Variants in OR9Q1 observed in about 807,000 individuals in gnomAD.
The protein encoded by OR9Q1 is olfactory receptor 9Q1.
For missense variants in OR9Q1, 374 were observed against 378.8 expected (o/e 0.99, Z 0.11); for synonymous variants, 153 against 148.6 (o/e 1.03, Z -0.22).
At chr11:58,127,589 A>G (rs1854101846) in intron 2 of OR9Q1, among the ~76,000 whole-genome samples, 1 of 152,172 alleles carries the variant, frequency 6.6e-6, no homozygotes, top group Non-Finnish European at 1.5e-5. Flanking sequence ...CTTCCCAGGC[A>G]TTCTGGGAAA....
At chr11:58,037,692 T>TATATATAG (rs1565056527) in intron 1 of OR9Q1, among the ~76,000 whole-genome samples, 6 of 5,832 alleles carry the variant, frequency 1.0e-3, no homozygotes, top group Non-Finnish European at 1.7e-3. Context: ...TATATATATT[T>TATATATAG]TTTTTTTTTT....
At chr11:58,069,139 GTCCATGCCTCACACATGGGAGAC>G (rs530164685) in intron 2 of OR9Q1, among the ~76,000 whole-genome samples, 23,631 of 151,440 alleles carry the variant, frequency 0.16, 3,335 homozygotes, top group African/African-American at 0.34. Flanking sequence ...ACTCAAGTGA[GTCCATGCCTCACACATGGGAGAC>G]TCCATGCCTC....
chr11:58,031,382 A>G, intron 1 of OR9Q1: 1 of 1,614,028 alleles, frequency 6.2e-7, no homozygotes, highest in Non-Finnish European at 8.5e-7. Context: ...GTCCTGGGGC[A>G]CCTGCATCCG....
At chr11:58,109,504 G>A in intron 2 of OR9Q1, 1 of 461,262 alleles carries the variant, frequency 2.2e-6, no homozygotes, top group Non-Finnish European at 4.4e-6. Context: ...GTGGAGTTGG[G>A]CATCCACTTG....
chr11:58,027,117 TA>T (rs895597014), intron 1 of OR9Q1, among the ~76,000 whole-genome samples: 1 of 152,122 alleles, frequency 6.6e-6, no homozygotes, highest in Non-Finnish European at 1.5e-5. Flanking sequence ...AGCATTAGGG[TA>T]GGGGGAGCAG....
chr11:58,129,004 G>T (rs967143422), intron 2 of OR9Q1, among the ~76,000 whole-genome samples: 5 of 152,020 alleles, frequency 3.3e-5, no homozygotes, highest in African/African-American at 1.2e-4. Flanking sequence ...AGGTATTTTA[G>T]CTAGGTTATC....
intron 1 of OR9Q1, among the ~76,000 whole-genome samples, chr11:58,042,687 T>C (rs1483942639): frequency 1.3e-5 from 2 of 152,098 alleles, no homozygotes; most frequent in Non-Finnish European, 2.9e-5. Flanking sequence ...GTGAAGAAAG[T>C]CATTGGTAGC....
intron 1 of OR9Q1, among the ~76,000 whole-genome samples, chr11:58,037,951 T>G (rs907444944): frequency 1.3e-5 from 2 of 148,430 alleles, no homozygotes; most frequent in Non-Finnish European, 3.0e-5. Context: ...CAGGATGGTC[T>G]CGAACTCCTG....
At chr11:58,160,095 C>G (rs1224912225) in intron 2 of OR9Q1, among the ~76,000 whole-genome samples, 1 of 152,222 alleles carries the variant, frequency 6.6e-6, no homozygotes, top group African/African-American at 2.4e-5. Flanking sequence ...TGTGAGGAAG[C>G]CTAGACTACA....
chr11:58,053,447 G>T (rs1401183984), intron 1 of OR9Q1, among the ~76,000 whole-genome samples: 1 of 96,714 alleles, frequency 1.0e-5, no homozygotes, highest in Non-Finnish European at 2.0e-5. Flanking sequence ...GGGGCCTGTT[G>T]TGGGGTGGGG....
intron 2 of OR9Q1, among the ~76,000 whole-genome samples, chr11:58,153,604 A>G (rs1325202716): frequency 6.6e-6 from 1 of 151,920 alleles, no homozygotes; most frequent in African/African-American, 2.4e-5. Flanking sequence ...TAAAAAATGG[A>G]AAGTTTATTG....
intron 2 of OR9Q1, among the ~76,000 whole-genome samples, chr11:58,148,450 C>A (rs1854320253): frequency 6.6e-6 from 1 of 152,118 alleles, no homozygotes; most frequent in Non-Finnish European, 1.5e-5. Context: ...GAAATACTTA[C>A]CAGATTTCTT....
At position 58,066,677 on chromosome 11, in the gene OR9Q1, A is replaced by C. The variant is rs1238913945; in HGVS notation, c.-15+10730A>C. Among the ~76,000 whole-genome samples the C allele has an allele frequency of 2.6e-5, 4 of 152,080 alleles. No homozygotes were observed. The East Asian group carries it at 7.7e-4, about 29-fold the overall frequency. ...GAAGTTGACTGGCAGAGACAGCCCC[A>C]GGGTATAGGAGTGGGAAGGATGCCC... On this transcript the variant is annotated intron_variant, in intron 2 of 2. Transcript: ENST00000335397.
At chr11:58,134,819 A>T (rs569612410) in intron 2 of OR9Q1, among the ~76,000 whole-genome samples, 4 of 152,194 alleles carry the variant, frequency 2.6e-5, no homozygotes, top group Non-Finnish European at 4.4e-5. Flanking sequence ...CTTCCTAGCC[A>T]TATGACACTT....
intron 1 of OR9Q1, 56 bp from the exon 2 acceptor site, chr11:58,055,814 T>C (rs1270413801): frequency 1.8e-5 from 1 of 55,284 alleles, no homozygotes. Flanking sequence ...AAAAAAAAAA[T>C]GCTGGAGGCA....
intron 2 of OR9Q1, among the ~76,000 whole-genome samples, chr11:58,172,623 A>G (rs562238321): frequency 8.5e-5 from 13 of 152,198 alleles, no homozygotes; most frequent in Non-Finnish European, 1.2e-4. Context: ...TGATGGAGCC[A>G]GGACTCAAAC....
At chr11:58,113,272 T>G (rs2120114434) in intron 2 of OR9Q1, among the ~76,000 whole-genome samples, 1 of 152,318 alleles carries the variant, frequency 6.6e-6, no homozygotes, top group South Asian at 2.1e-4. Context: ...TCCAGAGAAG[T>G]GACTTTCACC....
At chr11:58,174,333 G>T (rs1370332582) in intron 2 of OR9Q1, among the ~76,000 whole-genome samples, 1 of 152,116 alleles carries the variant, frequency 6.6e-6, no homozygotes, top group African/African-American at 2.4e-5. Context: ...GAATCAAGCT[G>T]CAGCTTGGTC....
At chr11:58,036,017 T>C (rs1476690823) in intron 1 of OR9Q1, among the ~76,000 whole-genome samples, 1 of 151,518 alleles carries the variant, frequency 6.6e-6, no homozygotes, top group Non-Finnish European at 1.5e-5. Context: ...ATTTTTTCAA[T>C]AGCATGTGCT....
Sources: allele counts gnomAD v4.1 joint callset (sites outside exome capture counted in the v4.1 genomes callset), GRCh38; gene constraint gnomAD v4.1.1; transcripts MANE v1.5; gene names NCBI Gene and HGNC (gene_info 2026-07-23, HGNC 2026-07-21).